CDK5RAP2: variants seen among roughly 807,000 people sequenced by gnomAD.
CDK5RAP2 encodes CDK5 regulatory subunit associated protein 2.
Under a neutral mutation model 232.9 loss-of-function variants are expected in CDK5RAP2, and 147 were observed. The ratio of observed to expected loss-of-function variants is 0.63; its 90% CI spans 0.55 to 0.72. The LOEUF is 0.72. Ranked by LOEUF, CDK5RAP2 falls within the 30% of genes least tolerant of loss-of-function variation. The pLI is 0.00. For missense variants in CDK5RAP2, 2,195 were observed against 2,231.5 expected, an observed-to-expected ratio of 0.98 and a Z score of 0.33; for synonymous variants, 833 against 833.7, an observed-to-expected ratio of 1.00 and a Z score of 0.01.
intron 25 of CDK5RAP2, among the ~76,000 whole-genome samples, chr9:120,423,271 T>A (rs539475307): frequency 2.4e-4 from 36 of 152,338 alleles, no homozygotes; most frequent in Middle Eastern, 3.4e-3. Context: ...ACTGTAGGCA[T>A]GCATTACCAC....
At chr9:120,426,682 G>T (rs2034924501) in intron 25 of CDK5RAP2, among the ~76,000 whole-genome samples, 1 of 152,116 alleles carries the variant, frequency 6.6e-6, no homozygotes, top group Non-Finnish European at 1.5e-5. Flanking sequence ...AAGGGAAGGG[G>T]ATTCTCTATA....
intron 10 of CDK5RAP2, among the ~76,000 whole-genome samples, chr9:120,526,994 C>A (rs1350759544): frequency 6.6e-6 from 1 of 152,064 alleles, no homozygotes; most frequent in Non-Finnish European, 1.5e-5. Context: ...CACACCTAAT[C>A]TGGATCAGGT....
At chr9:120,401,354 C>T (rs769291075) in intron 34 of CDK5RAP2, among the ~76,000 whole-genome samples, 7 of 151,914 alleles carry the variant, frequency 4.6e-5, no homozygotes, top group African/African-American at 1.7e-4. Flanking sequence ...GTATCAAGGG[C>T]ACAAGAAAAT....
At chr9:120,466,303 C>T (rs1361135016) in intron 18 of CDK5RAP2, among the ~76,000 whole-genome samples, 6 of 152,188 alleles carry the variant, frequency 3.9e-5, no homozygotes, top group Admixed American at 3.3e-4. Flanking sequence ...TCCCATCTCA[C>T]CCTCACCCTA....
At chr9:120,457,022 T>C (rs971584521) in intron 20 of CDK5RAP2, among the ~76,000 whole-genome samples, 3 of 152,298 alleles carry the variant, frequency 2.0e-5, no homozygotes, top group South Asian at 2.1e-4. Flanking sequence ...ATCTGTGCCA[T>C]GAAGAAGGTA....
At chr9:120,395,747 A>G (rs1484993376) in intron 35 of CDK5RAP2, among the ~76,000 whole-genome samples, 1 of 152,166 alleles carries the variant, frequency 6.6e-6, no homozygotes, top group Non-Finnish European at 1.5e-5. Context: ...TAAGCCCATG[A>G]AATATGTGTA....
At chr9:120,530,328 C>T (rs902989390) in intron 7 of CDK5RAP2, among the ~76,000 whole-genome samples, 188 bp from the exon 8 acceptor site, 4 of 152,134 alleles carry the variant, frequency 2.6e-5, no homozygotes, top group Admixed American at 6.5e-5. Flanking sequence ...TGGTCCCCTG[C>T]CTGCCTCCAG....
intron 12 of CDK5RAP2, among the ~76,000 whole-genome samples, chr9:120,503,049 T>G (rs1396366380): frequency 3.3e-5 from 5 of 152,188 alleles, no homozygotes; most frequent in African/African-American, 1.2e-4. Flanking sequence ...AAAGCTCTAG[T>G]AAGTTCTAGT....
chr9:120,434,980 T>C (rs1334748351), intron 25 of CDK5RAP2, among the ~76,000 whole-genome samples: 1 of 152,174 alleles, frequency 6.6e-6, no homozygotes, highest in Non-Finnish European at 1.5e-5. Context: ...TTTAAAAGGA[T>C]ACAGTTTTGA....
chr9:120,443,767 A>G, intron 22 of CDK5RAP2, 25 bp from the exon 23 acceptor site: 1 of 1,613,654 alleles, frequency 6.2e-7, no homozygotes, highest in African/African-American at 1.3e-5. Flanking sequence ...AAAGAGAAAG[A>G]AAAATAAATA....
At chr9:120,495,080 G>A (rs1209909032) in intron 12 of CDK5RAP2, among the ~76,000 whole-genome samples, 109 of 56,754 alleles carry the variant, frequency 1.9e-3, no homozygotes, top group African/African-American at 9.5e-3. Flanking sequence ...AGGAGCGGAC[G>A]GGCCCCGCGG....
intron 25 of CDK5RAP2, among the ~76,000 whole-genome samples, chr9:120,432,915 A>G (rs1425010370): frequency 2.6e-5 from 4 of 152,222 alleles, no homozygotes; most frequent in Admixed American, 2.6e-4. Flanking sequence ...GAGGACCCAG[A>G]TAGTTCTCCA....
At position 120,477,397 on chromosome 9, in the gene CDK5RAP2, CTCTT is replaced by C; in HGVS notation, c.1676_1679del (p.Lys559SerfsTer25). ...TGACCAGATGGGTATAGATGTCCTG[CTCTT>C]TCTTTAAGACCTGAATCAGCTCTTC... On this transcript the variant is annotated frameshift_variant, in exon 15 of 38. Coordinates refer to ENST00000349780, the MANE Select transcript of CDK5RAP2 (RefSeq NM_018249.6). LOFTEE classifies it high-confidence loss of function. 6.2e-7 allele frequency: 1 copy of C among 1,614,040 alleles called. No individual in the cohort carries two copies. The highest frequency in any genetic ancestry group is 8.5e-7 in the Non-Finnish European group (1 of 1,179,998).
At chr9:120,541,137 T>C (rs954981805) in intron 5 of CDK5RAP2, among the ~76,000 whole-genome samples, 18 of 152,184 alleles carry the variant, frequency 1.2e-4, no homozygotes, top group South Asian at 6.2e-4. Context: ...GAATTTCTGC[T>C]ACCCACTCAC....
At chr9:120,419,045 T>A (rs755436242) in intron 27 of CDK5RAP2, among the ~76,000 whole-genome samples, 35 of 152,160 alleles carry the variant, frequency 2.3e-4, no homozygotes, top group Non-Finnish European at 3.8e-4. Context: ...TGGGAGATGA[T>A]AGGACCATGA....
chr9:120,447,650 C>T (rs990870616), intron 22 of CDK5RAP2, among the ~76,000 whole-genome samples: 6 of 152,124 alleles, frequency 3.9e-5, no homozygotes, highest in Non-Finnish European at 5.9e-5. Flanking sequence ...AGCAGTGCCC[C>T]CTCAGACCTA....
chr9:120,451,111 A>C (rs1157531667), intron 21 of CDK5RAP2, among the ~76,000 whole-genome samples: 1 of 152,258 alleles, frequency 6.6e-6, no homozygotes, highest in Non-Finnish European at 1.5e-5. Context: ...CAAATGCCAA[A>C]GCCAATTTCA....
At chr9:120,496,347 C>T (rs2039234908) in intron 12 of CDK5RAP2, among the ~76,000 whole-genome samples, 1 of 144,182 alleles carries the variant, frequency 6.9e-6, no homozygotes, top group Non-Finnish European at 1.6e-5. Flanking sequence ...GTCAGCCCCC[C>T]GCCCGGCCAG....
At position 120,447,946 on chromosome 9, in the gene CDK5RAP2, C is replaced by T; in HGVS notation, c.2974G>A (p.Ala992Thr). ...NKQLHQKLILAEAVMEGRPTP... is the reference protein window; with the variant it reads ...NKQLHQKLILTEAVMEGRPTP... ...GGCCTCCCCTCCATCACTGCTTCAG[C>T]CAGAATTAACTTTTGGTGAAGTTGC... The change falls in exon 22 of 38, where the codon GCT becomes ACT. Residue 992 changes from alanine to threonine, a missense_variant. Coordinates refer to ENST00000349780, the MANE Select transcript of CDK5RAP2 (RefSeq NM_018249.6). 1 of 1,614,192 alleles carries T rather than the reference C, an allele frequency of 6.2e-7. No homozygotes were observed. Among genetic ancestry groups the T allele is most frequent in the Admixed American group, 1.7e-5 (1 of 60,020 alleles).
Sources: allele counts gnomAD v4.1 joint callset (sites outside exome capture counted in the v4.1 genomes callset), GRCh38; gene constraint gnomAD v4.1.1; transcripts MANE v1.5; gene names NCBI Gene and HGNC (gene_info 2026-07-23, HGNC 2026-07-21).